The following ZFTRAF1 variants were observed in gnomAD, a reference collection of about 807,000 sequenced individuals.
ZFTRAF1 encodes zinc finger TRAF-type-containing protein 1.
the ZFTRAF1 span, chr8:144,462,233 G>A: frequency 2.1e-6 from 1 of 487,080 alleles, no homozygotes; most frequent in South Asian, 2.6e-5. Context: ...CCCCGCGGCG[G>A]GGGCTGCAGC....
At chr8:144,452,522 G>A in the ZFTRAF1 span, 4 of 1,542,072 alleles carry the variant, frequency 2.6e-6, no homozygotes, top group African/African-American at 4.1e-5. Flanking sequence ...GCTCATGGAA[G>A]GGGCCGTGCC....
At chr8:144,462,363 T>C in the ZFTRAF1 span, 1 of 484,950 alleles carries the variant, frequency 2.1e-6, no homozygotes, top group Non-Finnish European at 3.7e-6. Flanking sequence ...AGTTTCCCGC[T>C]GCCGGCCGCC....
At chr8:144,459,903 G>A in the ZFTRAF1 span, among the ~76,000 whole-genome samples, 2 of 152,248 alleles carry the variant, frequency 1.3e-5, no homozygotes, top group African/African-American at 4.8e-5. Flanking sequence ...GCTGGCTCGA[G>A]ACAGCCAATC....
chr8:144,453,304 G>A, the ZFTRAF1 span: 5 of 1,551,080 alleles, frequency 3.2e-6, no homozygotes, highest in East Asian at 2.4e-5. Flanking sequence ...TCTGAAGGCA[G>A]CTCGCTCACG....
the ZFTRAF1 span, among the ~76,000 whole-genome samples, chr8:144,452,955 C>CTGGGCCCTTCAAGG: frequency 6.6e-6 from 1 of 152,374 alleles, no homozygotes; most frequent in African/African-American, 2.4e-5. Flanking sequence ...ACACGCTGTC[C>CTGGGCCCTTCAAGG]TGGGCCCTTC....
chr8:144,455,787 C>T, the ZFTRAF1 span: 5 of 152,246 alleles, frequency 3.3e-5, no homozygotes, highest in Non-Finnish European at 7.3e-5. Context: ...CTTCCTGGCT[C>T]TGCATAGCCC....
chr8:144,450,448 C>T, the ZFTRAF1 span: 1 of 718,188 alleles, frequency 1.4e-6, no homozygotes, highest in East Asian at 2.7e-5. Flanking sequence ...TGTTGCACTC[C>T]ACGGAGTCAA....
the ZFTRAF1 span, among the ~76,000 whole-genome samples, chr8:144,452,835 AGTG>A: frequency 6.6e-6 from 1 of 152,324 alleles, no homozygotes; most frequent in South Asian, 2.1e-4. Flanking sequence ...TCTGTTTGGC[AGTG>A]GTGGTCCTGC....
At chr8:144,454,605 C>G in the ZFTRAF1 span, 1 of 152,460 alleles carries the variant, frequency 6.6e-6, no homozygotes, top group Non-Finnish European at 1.5e-5. Flanking sequence ...GGGCTACAGG[C>G]TTCCTTTGGG....
the ZFTRAF1 span, among the ~76,000 whole-genome samples, chr8:144,459,021 C>T: frequency 5.3e-5 from 8 of 152,378 alleles, no homozygotes; most frequent in African/African-American, 1.4e-4. Flanking sequence ...AGGGCCTCAT[C>T]TGACAGCAGC....
the ZFTRAF1 span, chr8:144,449,997 C>G: frequency 4.0e-6 from 1 of 247,706 alleles, no homozygotes; most frequent in Non-Finnish European, 7.9e-6. Flanking sequence ...TCAGCAAGGC[C>G]CCCGCGCCCC....
chr8:144,452,124 T>G, the ZFTRAF1 span: 2 of 584,970 alleles, frequency 3.4e-6, no homozygotes, highest in South Asian at 3.7e-5. Flanking sequence ...TGGGCGGGGC[T>G]GCTGTGAGAG....
At chr8:144,450,865 C>A in the ZFTRAF1 span, 15 of 606,464 alleles carry the variant, frequency 2.5e-5, no homozygotes, top group African/African-American at 5.6e-5. Flanking sequence ...GCAGGCTCAG[C>A]CGGGGAGGAA....
the ZFTRAF1 span, chr8:144,462,855 GTT>G: frequency 6.6e-6 from 1 of 152,560 alleles, no homozygotes; most frequent in African/African-American, 2.4e-5. Flanking sequence ...CGCCATCTTT[GTT>G]TTCGCTGTGC....
chr8:144,457,956 T>C, the ZFTRAF1 span: 1 of 152,302 alleles, frequency 6.6e-6, no homozygotes, highest in Non-Finnish European at 1.5e-5. Flanking sequence ...CCAAAGGGCT[T>C]CCCTGTGGCA....
the ZFTRAF1 span, chr8:144,452,508 G>A: frequency 6.5e-6 from 10 of 1,543,624 alleles, no homozygotes; most frequent in East Asian, 2.4e-5. Context: ...CTCGTGCACC[G>A]TCAGCTCATG....
chr8:144,458,723 C>T, the ZFTRAF1 span, among the ~76,000 whole-genome samples: 1 of 152,194 alleles, frequency 6.6e-6, no homozygotes, highest in African/African-American at 2.4e-5. Context: ...TCAGATGGGG[C>T]AGGAGGGGAT....
the ZFTRAF1 span, chr8:144,450,131 C>T: frequency 3.8e-5 from 19 of 500,490 alleles, no homozygotes; most frequent in Middle Eastern, 5.4e-4. Flanking sequence ...CCTGGTGCAC[C>T]GTCTCCTCTT....
the ZFTRAF1 span, among the ~76,000 whole-genome samples, chr8:144,458,080 G>A: frequency 7.9e-5 from 12 of 152,362 alleles, no homozygotes; most frequent in African/African-American, 2.6e-4. Flanking sequence ...CATGCACCCC[G>A]CGTGCTCGGC....
Sources: gnomAD v4.1 joint callset for allele counts (sites outside exome capture counted in the v4.1 genomes callset) on GRCh38, gnomAD v4.1.1 for gene constraint, MANE v1.5 for transcripts, NCBI Gene and HGNC (gene_info 2026-07-23, HGNC 2026-07-21) for gene names.